ZNF438: variants seen among roughly 807,000 people sequenced by gnomAD.
ZNF438 encodes the protein zinc finger protein 438.
Under a neutral mutation model 38.0 loss-of-function variants are expected in ZNF438, and 25 were observed. That is an observed-to-expected ratio of 0.66 (90% CI 0.48 to 0.92). The LOEUF (loss-of-function observed/expected upper bound fraction) is 0.92. Ranked by LOEUF, ZNF438 falls within the 40% of genes least tolerant of loss-of-function variation. The probability of loss-of-function intolerance (pLI) is 0.00; values close to 1 mark genes in which losing one functional copy is unlikely to be tolerated. For missense variants in ZNF438, 1,007 were observed against 999.6 expected (o/e 1.01, Z -0.10); for synonymous variants, 372 against 364.1 (o/e 1.02, Z -0.25).
chr10:30,935,070 A>G (rs924198697), intron 2 of ZNF438, among the ~76,000 whole-genome samples: 2 of 152,216 alleles, frequency 1.3e-5, no homozygotes, highest in Non-Finnish European at 2.9e-5. Flanking sequence ...TGAAAGTTCT[A>G]TTGGTTTTCA....
chr10:31,007,184 C>G (rs534227624), intron 1 of ZNF438, among the ~76,000 whole-genome samples: 1 of 151,926 alleles, frequency 6.6e-6, no homozygotes, highest in South Asian at 2.1e-4. Flanking sequence ...GGAAGCCCTG[C>G]TAACAGGATG....
intron 3 of ZNF438, among the ~76,000 whole-genome samples, chr10:30,893,492 T>A (rs1292438117): frequency 6.6e-6 from 1 of 152,244 alleles, no homozygotes. Context: ...GATTTCCTAA[T>A]TGAAAAAGTC....
chr10:30,846,326 G>A (rs1315209279), intron 5 of ZNF438, among the ~76,000 whole-genome samples: 1 of 152,248 alleles, frequency 6.6e-6, no homozygotes, highest in Non-Finnish European at 1.5e-5. Flanking sequence ...AGAGTGTCAG[G>A]TTCATTTGTG....
chr10:30,849,786 C>A (rs555467634), exon 5 of ZNF438: 2 of 1,614,194 alleles, frequency 1.2e-6, no homozygotes, highest in East Asian at 2.2e-5. Flanking sequence ...GTGTTGGTCA[C>A]TGGTGGTCTC....
intron 1 of ZNF438, among the ~76,000 whole-genome samples, chr10:30,951,914 T>C (rs1186127778): frequency 6.6e-6 from 1 of 151,790 alleles, no homozygotes; most frequent in Non-Finnish European, 1.5e-5. Flanking sequence ...AAAGTTCATA[T>C]GGAACCAAAA....
At chr10:30,939,672 C>T (rs2046615206) in intron 2 of ZNF438, among the ~76,000 whole-genome samples, 1 of 152,190 alleles carries the variant, frequency 6.6e-6, no homozygotes, top group African/African-American at 2.4e-5. Context: ...CTACTGAAAA[C>T]CAAGAAGCTT....
chr10:31,017,242 C>T (rs1465985934), intron 1 of ZNF438, among the ~76,000 whole-genome samples: 1 of 152,220 alleles, frequency 6.6e-6, no homozygotes, highest in Non-Finnish European at 1.5e-5. Context: ...ATTTCAGATT[C>T]TGTTCTCTGA....
At chr10:30,919,189 C>T (rs1280884443) in intron 2 of ZNF438, 1 of 152,016 alleles carries the variant, frequency 6.6e-6, no homozygotes, top group East Asian at 1.9e-4. Context: ...TTTTATTTTC[C>T]GTATCTTCAC....
At chr10:30,976,335 T>C (rs144798473) in intron 1 of ZNF438, among the ~76,000 whole-genome samples, 3 of 152,292 alleles carry the variant, frequency 2.0e-5, no homozygotes, top group African/African-American at 7.2e-5. Context: ...AGGAAACATA[T>C]CTAAAAGTAA....
At chr10:30,876,442 T>G (rs2038430205) in intron 4 of ZNF438, among the ~76,000 whole-genome samples, 1 of 152,202 alleles carries the variant, frequency 6.6e-6, no homozygotes, top group South Asian at 2.1e-4. Context: ...AGGTACAGGT[T>G]CTTCTGGAAG....
chr10:30,961,203 A>G (rs1302376414), intron 1 of ZNF438, among the ~76,000 whole-genome samples: 2 of 143,850 alleles, frequency 1.4e-5, no homozygotes, highest in Admixed American at 7.0e-5. Flanking sequence ...TAACCTGCAC[A>G]ATGCGCACAT....
chr10:30,876,197 C>G (rs774202606), intron 4 of ZNF438, among the ~76,000 whole-genome samples: 1 of 152,102 alleles, frequency 6.6e-6, no homozygotes, highest in Non-Finnish European at 1.5e-5. Context: ...TTTAAGGGTC[C>G]TTCATAACAA....
intron 2 of ZNF438, among the ~76,000 whole-genome samples, chr10:30,939,126 T>G (rs563049633): frequency 6.6e-6 from 1 of 152,300 alleles, no homozygotes; most frequent in Non-Finnish European, 1.5e-5. Flanking sequence ...TTGTTCCCAC[T>G]TCCTAGCCCT....
intron 1 of ZNF438, among the ~76,000 whole-genome samples, chr10:30,992,913 G>T (rs973699303): frequency 6.6e-6 from 1 of 152,218 alleles, no homozygotes; most frequent in African/African-American, 2.4e-5. Flanking sequence ...TGGAATGCTG[G>T]ACTTGAGAGT....
chr10:30,930,150 G>C (rs1205716128), intron 2 of ZNF438, among the ~76,000 whole-genome samples: 1 of 151,714 alleles, frequency 6.6e-6, no homozygotes, highest in East Asian at 1.9e-4. Context: ...GAGCCCATTT[G>C]GTGGGGGCGG....
At chr10:30,877,718 T>G (rs1284160672) in intron 3 of ZNF438, among the ~76,000 whole-genome samples, 1 of 152,166 alleles carries the variant, frequency 6.6e-6, no homozygotes, top group Non-Finnish European at 1.5e-5. Flanking sequence ...TTTTCCAAAT[T>G]GTGTATAATG....
At chr10:30,894,438 ATG>A (rs1345936488) in intron 3 of ZNF438, among the ~76,000 whole-genome samples, 2 of 152,178 alleles carry the variant, frequency 1.3e-5, no homozygotes, top group East Asian at 3.9e-4. Context: ...GGAAGTATTA[ATG>A]TGTGTGTCCT....
intron 3 of ZNF438, among the ~76,000 whole-genome samples, chr10:30,887,106 T>C (rs569794747): frequency 4.6e-5 from 7 of 152,324 alleles, no homozygotes; most frequent in African/African-American, 1.7e-4. Flanking sequence ...ACATCCTTTA[T>C]CTAACTAACA....
chr10:30,857,753 C>A, intron 4 of ZNF438: 1 of 1,456,644 alleles, frequency 6.9e-7, no homozygotes, highest in East Asian at 2.5e-5. Flanking sequence ...TCCTCCTCCT[C>A]CTCCATTGCC....
Sources: gnomAD v4.1 joint callset for allele counts (sites outside exome capture counted in the v4.1 genomes callset) on GRCh38, gnomAD v4.1.1 for gene constraint, MANE v1.5 for transcripts, NCBI Gene and HGNC (gene_info 2026-07-23, HGNC 2026-07-21) for gene names.